Variants in MAP2K5 observed in about 807,000 individuals in gnomAD.
MAP2K5 encodes dual specificity mitogen-activated protein kinase kinase 5.
MAP2K5 carries 49 observed loss-of-function variants against 83.1 expected under a neutral mutation model. The ratio of observed to expected loss-of-function variants is 0.59; its 90% confidence interval spans 0.47 to 0.75. MAP2K5 has a LOEUF of 0.75. MAP2K5 is among the 30% of genes least tolerant of loss of function. The pLI, the probability that MAP2K5 is intolerant of heterozygous loss-of-function variation, is 0.00. For missense variants in MAP2K5, 457 were observed against 557.5 expected, an observed-to-expected ratio of 0.82 and a Z score of 1.82; for synonymous variants, 202 against 191.8, an observed-to-expected ratio of 1.05 and a Z score of -0.44.
intron 16 of MAP2K5, among the ~76,000 whole-genome samples, chr15:67,721,308 G>T (rs958498713): frequency 6.6e-6 from 1 of 151,910 alleles, no homozygotes; most frequent in Admixed American, 6.6e-5. Flanking sequence ...CTACTGTTTG[G>T]GCTCCTTAAG....
chr15:67,757,297 C>T lies in MAP2K5; in HGVS notation c.1134+8696C>T, dbSNP rs534422325. The stretch of plus-strand genomic sequence containing the variant: ...TTTTATTTGCATAAAAATAGTATTT[C>T]TAGAAGACATTTGCAAATCAGATTA... On this transcript the variant is annotated intron_variant, in intron 19 of 21. Coordinates refer to ENST00000178640, the MANE Select transcript of MAP2K5 (RefSeq NM_145160.3). This position sits in a 1 kb window ranked among gnomAD's most constrained non-coding sequence, Gnocchi z 4.9. Among the ~76,000 whole-genome samples the T allele has an allele frequency of 6.6e-6, 1 of 152,272 alleles. No individual in the cohort carries two copies. The highest frequency in any genetic ancestry group is 1.9e-4 in the East Asian group (1 of 5,182).
intron 8 of MAP2K5, chr15:67,627,869 C>T: frequency 6.5e-6 from 4 of 618,926 alleles, no homozygotes; most frequent in South Asian, 1.7e-5. Flanking sequence ...GTCAGAGTCT[C>T]CTAAAGAGCC....
Position 67,664,605 on chromosome 15 carries a change from A to G in MAP2K5, c.807A>G (p.Lys269=), listed in dbSNP as rs2087326424. Residue 269 remains lysine (K), a synonymous_variant, in exon 13 of 22, where the codon AAA becomes AAG. Coordinates refer to ENST00000178640, the MANE Select transcript of MAP2K5 (RefSeq NM_145160.3). ...VLGRIAVAVV[K]GLTYLWSLKI... ...CTTTTTCCTAAATTTAGGTTGTTAA[A>G]GGCCTTACTTATTTGTGGAGTTTAA... 6.3e-7 allele frequency: 1 copy of G among 1,582,568 alleles called. No homozygotes were observed. The highest frequency in any genetic ancestry group is 2.2e-5 in the East Asian group (1 of 44,680).
intron 21 of MAP2K5, 72 bp from the exon 22 acceptor site, chr15:67,806,574 C>T (rs2090812594): frequency 3.0e-6 from 4 of 1,321,850 alleles, no homozygotes; most frequent in South Asian, 1.4e-5. Flanking sequence ...AGGCTGAGGG[C>T]AGGCCCTGGA....
chr15:67,545,504 A>G (rs1287306942), intron 1 of MAP2K5, among the ~76,000 whole-genome samples: 1 of 152,222 alleles, frequency 6.6e-6, no homozygotes, highest in African/African-American at 2.4e-5. Context: ...TAAAACAGGG[A>G]AACTTGTACC....
At chr15:67,622,437 A>G (rs4776950) in intron 8 of MAP2K5, among the ~76,000 whole-genome samples, 150,076 of 152,256 alleles carry the variant, frequency 0.99, 74,012 homozygotes, top group Middle Eastern at 1. Context: ...AAAGACTTTT[A>G]ATTCAGCAGT....
intron 8 of MAP2K5, among the ~76,000 whole-genome samples, chr15:67,627,212 G>A (rs1410053238): frequency 6.6e-6 from 1 of 152,152 alleles, no homozygotes; most frequent in Non-Finnish European, 1.5e-5. Context: ...GCTTCCCAAA[G>A]TGCTGAGATT....
At chr15:67,752,636 G>A (rs2089746087) in intron 19 of MAP2K5, among the ~76,000 whole-genome samples, 1 of 149,170 alleles carries the variant, frequency 6.7e-6, no homozygotes, top group African/African-American at 2.5e-5. Context: ...CAAGATAAGA[G>A]CACTGCACTC....
intron 21 of MAP2K5, among the ~76,000 whole-genome samples, chr15:67,784,616 C>A (rs2090385258): frequency 6.6e-6 from 1 of 152,212 alleles, no homozygotes; most frequent in Non-Finnish European, 1.5e-5. Context: ...AGAGACAAAA[C>A]ACAAAAGAGG....
At chr15:67,679,048 A>G (rs1001741566) in intron 13 of MAP2K5, among the ~76,000 whole-genome samples, 4 of 151,434 alleles carry the variant, frequency 2.6e-5, no homozygotes, top group Admixed American at 1.3e-4. Flanking sequence ...CTCCAACTGT[A>G]GTTTTGTGAA....
chr15:67,621,719 T>C (rs919528196), intron 8 of MAP2K5, among the ~76,000 whole-genome samples: 3 of 152,168 alleles, frequency 2.0e-5, no homozygotes, highest in African/African-American at 7.2e-5. Flanking sequence ...AAAATAGACC[T>C]AGAGCAATCA....
chr15:67,776,750 A>T (rs1366277463), intron 21 of MAP2K5, among the ~76,000 whole-genome samples: 1 of 152,216 alleles, frequency 6.6e-6, no homozygotes, highest in Non-Finnish European at 1.5e-5. Context: ...ACCACAAGGA[A>T]TTCCTTCTGA....
At chr15:67,600,784 C>T in intron 8 of MAP2K5, 35 bp downstream of exon 8, 1 of 1,524,578 alleles carries the variant, frequency 6.6e-7, no homozygotes, top group Non-Finnish European at 9.0e-7. Context: ...TTTCTATCCG[C>T]TTTTCCAAAT....
chr15:67,543,203 C>A lies in MAP2K5; in HGVS notation c.-133C>A. 1.1e-6 allele frequency: 1 copy of A among 904,822 alleles called. No individual in the cohort carries two copies. The highest frequency in any genetic ancestry group is 2.5e-5 in the East Asian group (1 of 40,592). 56.0% of individuals were successfully genotyped at this position (904,822 alleles called of 1,614,324 possible). ...GATCACCCCTCCCCTCTTCCCTCCC[C>A]CTCATCCTCCATTCCCTTGTTTTCA... On this transcript the variant is annotated 5_prime_UTR_variant, in exon 1 of 22. Transcript: ENST00000178640. This position sits in a 1 kb window ranked among gnomAD's most constrained non-coding sequence, Gnocchi z 4.3.
At chr15:67,725,785 C>T (rs2089078259) in intron 16 of MAP2K5, among the ~76,000 whole-genome samples, 1 of 152,168 alleles carries the variant, frequency 6.6e-6, no homozygotes, top group East Asian at 1.9e-4. Flanking sequence ...GCCTAGTTCA[C>T]CCACCACAGT....
At chr15:67,632,984 C>T (rs1433783176) in intron 9 of MAP2K5, among the ~76,000 whole-genome samples, 1 of 152,150 alleles carries the variant, frequency 6.6e-6, no homozygotes, top group Non-Finnish European at 1.5e-5. Flanking sequence ...ACAGTTCAGC[C>T]ATTTAGGGTC....
chr15:67,703,700 G>T (rs2088477929), intron 16 of MAP2K5, among the ~76,000 whole-genome samples: 1 of 152,098 alleles, frequency 6.6e-6, no homozygotes, highest in Non-Finnish European at 1.5e-5. Context: ...ACACCTCTAA[G>T]AATCTGCATT....
At chr15:67,711,671 GCACACA>G (rs72106715) in intron 16 of MAP2K5, among the ~76,000 whole-genome samples, 9 of 150,990 alleles carry the variant, frequency 6.0e-5, no homozygotes, top group African/African-American at 9.7e-5. Flanking sequence ...AGGCGTGCAC[GCACACA>G]CACACACACA....
intron 6 of MAP2K5, among the ~76,000 whole-genome samples, chr15:67,588,810 T>C (rs2085337234): frequency 6.6e-6 from 1 of 152,096 alleles, no homozygotes; most frequent in Admixed American, 6.6e-5. Context: ...AATTTTAAAA[T>C]GTTTTTATTT....
Sources: gnomAD v4.1 joint callset for allele counts (sites outside exome capture counted in the v4.1 genomes callset) on GRCh38, gnomAD v4.1.1 for gene constraint, Gnocchi (gnomAD v3.1) non-coding constraint, MANE v1.5 for transcripts, NCBI Gene and HGNC (gene_info 2026-07-23, HGNC 2026-07-21) for gene names.